ASTN2: variants seen among roughly 807,000 people sequenced by gnomAD.
ASTN2 encodes the protein astrotactin-2.
Under a neutral mutation model 139.8 loss-of-function variants are expected in ASTN2, and 54 were observed. That is an observed-to-expected ratio of 0.39 (90% CI 0.31 to 0.48). ASTN2 has a LOEUF of 0.48. Ranked by LOEUF, ASTN2 falls within the 20% of genes least tolerant of loss-of-function variation. ASTN2 has a pLI of 0.95. For synonymous variants in ASTN2, 756 were observed against 719.5 expected (o/e 1.05, Z -0.81); for missense variants, 1,565 against 1,725.1 (o/e 0.91, Z 1.64).
chr9:117,126,987 G>A (rs1340356459), intron 4 of ASTN2, among the ~76,000 whole-genome samples: 1 of 152,118 alleles, frequency 6.6e-6, no homozygotes, highest in Non-Finnish European at 1.5e-5. Flanking sequence ...CTAGAATTGG[G>A]GAAATGGGAA....
chr9:116,918,680 A>G (rs1182096006), intron 10 of ASTN2, among the ~76,000 whole-genome samples: 1 of 151,976 alleles, frequency 6.6e-6, no homozygotes, highest in Admixed American at 6.6e-5. Flanking sequence ...TGGCATCTCC[A>G]TTACACGGAC....
At chr9:116,440,943 T>G (rs1847822119) in intron 21 of ASTN2, 151 bp from the exon 22 acceptor site, 1 of 745,244 alleles carries the variant, frequency 1.3e-6, no homozygotes, top group African/African-American at 1.8e-5. Flanking sequence ...CTTGAATATG[T>G]TATTGACTGG....
rs141940817 is a variant in ASTN2, at chr9:117,017,209, T to C, written c.1424-8950A>G. Among the ~76,000 whole-genome samples, 5 of 148,100 alleles carry C rather than the reference T, an allele frequency of 3.4e-5. No individual in the cohort carries two copies. The East Asian group carries it at 9.9e-4, about 29-fold the overall frequency. ...TCATTTAAATTTTTAAAGAAGAATT[T>C]TGGCTGAAGGTTGAAAGCAACTCTT... is the stretch of plus-strand genomic sequence containing the variant. On this transcript the variant is annotated intron_variant, in intron 6 of 22. Transcript: ENST00000313400.
At chr9:116,808,447 A>C (rs1220941967) in intron 12 of ASTN2, among the ~76,000 whole-genome samples, 1 of 152,202 alleles carries the variant, frequency 6.6e-6, no homozygotes, top group Non-Finnish European at 1.5e-5. Context: ...TGAGACATGC[A>C]TTTGCACCTG....
chr9:117,211,484 T>A (rs1832125822), intron 3 of ASTN2, among the ~76,000 whole-genome samples: 1 of 152,194 alleles, frequency 6.6e-6, no homozygotes, highest in Admixed American at 6.5e-5. Context: ...CCCATTGCTC[T>A]CTCTCTCTCC....
intron 4 of ASTN2, among the ~76,000 whole-genome samples, chr9:117,104,887 G>A (rs1357369599): frequency 2.0e-5 from 3 of 152,104 alleles, no homozygotes; most frequent in African/African-American, 7.2e-5. Flanking sequence ...GGCCATCTCA[G>A]AGGGGGATCA....
chr9:116,965,061 C>T (rs1588445502), intron 10 of ASTN2, among the ~76,000 whole-genome samples: 4 of 152,228 alleles, frequency 2.6e-5, no homozygotes, highest in Admixed American at 2.6e-4. Context: ...CATGACCCTT[C>T]TGTTACAACT....
rs192458414 is a variant in ASTN2, at chr9:117,291,358, C to T, written c.598G>A (p.Glu200Lys). 1.9e-6 allele frequency: 3 copies of T among 1,614,176 alleles called. No homozygotes were observed. Among genetic ancestry groups the T allele is most frequent in the East Asian group, 4.5e-5 (2 of 44,872 alleles). ...TLQEPSEIVE[E>K]QMHILHISVM... ...GAAATGTGGAGGATGTGCATCTGCT[C>T]CTCAACAATCTCCGAGGGCTCCTGG... The change falls in exon 2 of 23, where the codon GAG (glutamate) becomes AAG (lysine). Residue 200 changes from glutamate (E) to lysine (K), a missense_variant. Transcript: ENST00000313400.
At chr9:116,733,701 G>C (rs1056396946) in intron 13 of ASTN2, among the ~76,000 whole-genome samples, 178 bp from the exon 14 acceptor site, 8 of 152,180 alleles carry the variant, frequency 5.3e-5, no homozygotes, top group African/African-American at 1.4e-4. Flanking sequence ...ACAGGTTCCT[G>C]AATCAGGCAG....
At chr9:117,175,611 G>A (rs146185853) in intron 3 of ASTN2, among the ~76,000 whole-genome samples, 112 of 152,272 alleles carry the variant, frequency 7.4e-4, no homozygotes, top group South Asian at 6.0e-3. Flanking sequence ...CCAGATACAC[G>A]AGGACTTGTC....
intron 4 of ASTN2, among the ~76,000 whole-genome samples, chr9:117,125,380 C>T (rs1587990801): frequency 1.3e-5 from 2 of 152,262 alleles, no homozygotes; most frequent in African/African-American, 4.8e-5. Flanking sequence ...AAATATATAT[C>T]TTCTTTGTGA....
intron 19 of ASTN2, among the ~76,000 whole-genome samples, chr9:116,572,943 A>G (rs1853578561): frequency 6.6e-6 from 1 of 152,040 alleles, no homozygotes; most frequent in Admixed American, 6.5e-5. Context: ...TGACTCTGAC[A>G]GCCTCAAGAG....
At chr9:117,111,530 GAAGT>G (rs750495772) in intron 4 of ASTN2, among the ~76,000 whole-genome samples, 3 of 151,734 alleles carry the variant, frequency 2.0e-5, no homozygotes, top group African/African-American at 4.8e-5. Flanking sequence ...TCTGAGAAAC[GAAGT>G]AAGAAAAATT....
At chr9:117,153,824 C>A (rs189396110) in intron 3 of ASTN2, among the ~76,000 whole-genome samples, 3 of 152,082 alleles carry the variant, frequency 2.0e-5, no homozygotes, top group Non-Finnish European at 4.4e-5. Flanking sequence ...TTAACACATC[C>A]ATTCACAGTT....
At position 117,141,342 on chromosome 9, in the gene ASTN2, C is replaced by T. The variant is rs751245190; in HGVS notation, c.1152G>A (p.Arg384=). ...AGGGCCTACCTCGAGACTTGCTCCT[C>T]CGCTTCCTCTTCCCTGCCGATGTGC... ...LRSTSAGKRK[R]RSKSRGGISF... The change falls in exon 4 of 23, where the codon CGG becomes CGA. Residue 384 remains arginine (R), a synonymous_variant. Coordinates refer to ENST00000313400, the MANE Select transcript of ASTN2 (RefSeq NM_001365068.1). 3.7e-5 allele frequency: 51 copies of T among 1,367,428 alleles called. No homozygotes were observed. The highest frequency in any genetic ancestry group is 2.1e-4 in the Middle Eastern group (1 of 4,768). The allele number at this position is 1,367,428 out of a possible 1,614,324, so 84.7% of individuals were successfully genotyped here.
chr9:116,841,793 G>A (rs891570219), intron 11 of ASTN2, among the ~76,000 whole-genome samples: 1 of 152,186 alleles, frequency 6.6e-6, no homozygotes, highest in African/African-American at 2.4e-5. Context: ...TGCCTGACAG[G>A]TGCTCACTAA....
chr9:117,213,664 A>G (rs942421321), intron 3 of ASTN2, among the ~76,000 whole-genome samples: 8 of 152,232 alleles, frequency 5.3e-5, no homozygotes, highest in Non-Finnish European at 1.2e-4. Flanking sequence ...CATCAATAGA[A>G]GTATAACAGT....
intron 11 of ASTN2, among the ~76,000 whole-genome samples, chr9:116,826,446 G>T (rs919275249): frequency 1.3e-5 from 2 of 152,124 alleles, no homozygotes; most frequent in African/African-American, 4.8e-5. Context: ...TGCTGGGAGA[G>T]GGACAGAGTA....
intron 20 of ASTN2, among the ~76,000 whole-genome samples, chr9:116,450,361 G>T (rs145578622): frequency 6.6e-6 from 1 of 152,178 alleles, no homozygotes; most frequent in African/African-American, 2.4e-5. Flanking sequence ...AGTACTGAAT[G>T]TAGTATCATT....
Sources: allele counts gnomAD v4.1 joint callset (sites outside exome capture counted in the v4.1 genomes callset), GRCh38; gene constraint gnomAD v4.1.1; transcripts MANE v1.5; gene names NCBI Gene and HGNC (gene_info 2026-07-23, HGNC 2026-07-21).